Variants in POU2F3 observed in about 807,000 individuals in gnomAD.
The protein encoded by POU2F3 is POU domain, class 2, transcription factor 3.
A neutral mutation model predicts 59.2 loss-of-function variants in POU2F3; 23 were observed. The ratio of observed to expected loss-of-function variants is 0.39; its 90% CI spans 0.28 to 0.55. The LOEUF (loss-of-function observed/expected upper bound fraction) is 0.55, where lower values mean the gene tolerates loss of function less well. Ranked by LOEUF, POU2F3 falls within the 20% of genes least tolerant of loss-of-function variation. The probability of loss-of-function intolerance (pLI) is 0.66; values close to 1 mark genes in which losing one functional copy is unlikely to be tolerated. For missense variants in POU2F3, 473 were observed against 544.5 expected, an observed-to-expected ratio of 0.87 and a Z score of 1.31; for synonymous variants, 190 against 214.6, an observed-to-expected ratio of 0.89 and a Z score of 1.00.
intron 2 of POU2F3, among the ~76,000 whole-genome samples, chr11:120,250,653 C>T (rs1182679046): frequency 2.0e-5 from 3 of 152,086 alleles, no homozygotes; most frequent in Non-Finnish European, 2.9e-5. Context: ...TGGGAGTCAA[C>T]GTAGAGAACC....
chr11:120,284,261 C>T (rs753389338), intron 3 of POU2F3, among the ~76,000 whole-genome samples: 9 of 152,188 alleles, frequency 5.9e-5, no homozygotes, highest in East Asian at 1.9e-4. Context: ...CCTATCACCC[C>T]GCTTCCTGGG....
chr11:120,240,382 GA>G lies in POU2F3; in HGVS notation c.28+12del. 1 of 1,425,260 alleles carries G rather than the reference GA, an allele frequency of 7.0e-7. No individual in the cohort carries two copies. The highest frequency in any genetic ancestry group is 9.3e-7 in the Non-Finnish European group (1 of 1,079,696). 88.3% of individuals were successfully genotyped at this position (1,425,260 alleles called of 1,614,324 possible). On this transcript the variant is annotated intron_variant, in intron 1 of 12. Transcript: ENST00000543440. ...AGTCCATGCACACAGGTGAGGGGCGGAGGGAATGAGCTCTGACAGGTGTCAC... is the reference window on the plus strand; with the variant it reads ...AGTCCATGCACACAGGTGAGGGGCGGGGGAATGAGCTCTGACAGGTGTCAC...
Position 120,267,646 on chromosome 11 carries a change from C to CTCT in POU2F3, c.98-1564_98-1563insTCT, listed in dbSNP as rs1254365754. Reference sequence around the variant, plus strand: ...CACAGCTGAGGAAAAGGGGTTAAAACAGGGAATTCTCTTAGACCCCATTCA... The same window carrying CTCT: ...CACAGCTGAGGAAAAGGGGTTAAAACTCTAGGGAATTCTCTTAGACCCCATTCA... On this transcript the variant is annotated intron_variant, in intron 2 of 12. Transcript: ENST00000543440. Among the ~76,000 whole-genome samples the CTCT allele has an allele frequency of 3.3e-5, 5 of 152,158 alleles. No individual in the cohort carries two copies. In the East Asian group the frequency reaches 9.6e-4, roughly 29 times the overall value.
At position 120,305,659 on chromosome 11, in the gene POU2F3, G is replaced by T. The variant is rs1186041732; in HGVS notation, c.643G>T (p.Ala215Ser). 1.2e-6 allele frequency: 2 copies of T among 1,613,910 alleles called. No homozygotes were observed. Among genetic ancestry groups the T allele is most frequent in the Admixed American group, 1.7e-5 (1 of 60,016 alleles). Residue 215 changes from alanine (A) to serine (S), a missense_variant, in exon 8 of 13, where the codon GCG (alanine) becomes TCG (serine). Physicochemically the swap from Ala to Ser is moderately conservative, Grantham distance 99. Coordinates refer to ENST00000543440, the MANE Select transcript of POU2F3 (RefSeq NM_014352.4). ...CCACGCTTAGGGAGATGTGGGGCTG[G>T]CGATGGGAAAGCTGTATGGCAACGA... ...LGFTQGDVGL[A>S]MGKLYGNDFS...
chr11:120,305,026 T>C lies in POU2F3; in HGVS notation c.445-4T>C. ...GTGGATCTGCTTGGCGTGTTTCCTA[T>C]CAGGCATTTGGGCACCCTGGGCTGC... On this transcript the variant is annotated splice_region_variant and splice_polypyrimidine_tract_variant and intron_variant, in intron 6 of 12. Transcript: ENST00000543440. The C allele has an allele frequency of 1.3e-6, 2 of 1,594,978 alleles. No homozygotes were observed. Among genetic ancestry groups the C allele is most frequent in the East Asian group, 2.2e-5 (1 of 44,704 alleles).
intron 3 of POU2F3, among the ~76,000 whole-genome samples, chr11:120,282,023 A>T (rs937505009): frequency 6.6e-6 from 1 of 152,122 alleles, no homozygotes; most frequent in Non-Finnish European, 1.5e-5. Flanking sequence ...GCCCCATTTC[A>T]TATCCATGTG....
chr11:120,257,595 G>A (rs1316453453), intron 2 of POU2F3, among the ~76,000 whole-genome samples: 1 of 152,018 alleles, frequency 6.6e-6, no homozygotes, highest in Non-Finnish European at 1.5e-5. Context: ...CCAGCCCTGG[G>A]GACACCACTC....
chr11:120,240,734 G>A (rs751098970), intron 1 of POU2F3, among the ~76,000 whole-genome samples: 2 of 152,200 alleles, frequency 1.3e-5, no homozygotes, highest in Non-Finnish European at 2.9e-5. Flanking sequence ...GGACCTGGGA[G>A]TGCATAAGTG....
intron 3 of POU2F3, among the ~76,000 whole-genome samples, chr11:120,281,360 T>C (rs1435446092): frequency 1.1e-4 from 16 of 151,958 alleles, no homozygotes; most frequent in Admixed American, 7.9e-4. Flanking sequence ...AACGGTTGAC[T>C]GGCCTGCAAC....
At chr11:120,290,814 G>A (rs1400569352) in intron 3 of POU2F3, among the ~76,000 whole-genome samples, 1 of 152,242 alleles carries the variant, frequency 6.6e-6, no homozygotes, top group African/African-American at 2.4e-5. Flanking sequence ...GTATATGTGT[G>A]TGTGTATGGG....
intron 2 of POU2F3, among the ~76,000 whole-genome samples, chr11:120,249,107 C>T (rs375888692): frequency 1.3e-5 from 2 of 152,174 alleles, no homozygotes; most frequent in East Asian, 3.9e-4. Context: ...GGGCCAGACA[C>T]AGACCTCCTG....
chr11:120,266,340 G>A (rs115332169), intron 2 of POU2F3, among the ~76,000 whole-genome samples: 2,254 of 152,060 alleles, frequency 0.015, 54 homozygotes, highest in African/African-American at 0.048. Flanking sequence ...TATCCAGCCC[G>A]CTGCCCTCCC....
intron 3 of POU2F3, among the ~76,000 whole-genome samples, chr11:120,271,933 C>T (rs140578382): frequency 4.6e-5 from 7 of 152,148 alleles, no homozygotes; most frequent in East Asian, 1.9e-4. Flanking sequence ...ACACTCTGCC[C>T]GGTCACGTTC....
intron 3 of POU2F3, among the ~76,000 whole-genome samples, chr11:120,276,836 G>C (rs114869291): frequency 6.6e-6 from 1 of 151,924 alleles, no homozygotes; most frequent in Non-Finnish European, 1.5e-5. Context: ...AGATAGAGCC[G>C]GCAGAAAACA....
chr11:120,236,705 G>C, upstream of POU2F3: 1 of 1,492,242 alleles, frequency 6.7e-7, no homozygotes, highest in South Asian at 1.2e-5. Flanking sequence ...AAAGGAGGAA[G>C]GGGTAAAGGA....
At chr11:120,239,840 T>G (rs1938590140), upstream of POU2F3, among the ~76,000 whole-genome samples, 1 of 152,200 alleles carries the variant, frequency 6.6e-6, no homozygotes, top group South Asian at 2.1e-4. Flanking sequence ...CTTCGCGATC[T>G]GTCCAGAAGG....
intron 11 of POU2F3, among the ~76,000 whole-genome samples, chr11:120,315,770 G>A (rs567606781): frequency 6.6e-6 from 1 of 151,802 alleles, no homozygotes; most frequent in African/African-American, 2.4e-5. Context: ...TTATTTCAAC[G>A]CACTAGACAG....
At chr11:120,303,364 G>A (rs560536582) in intron 6 of POU2F3, 1 of 152,342 alleles carries the variant, frequency 6.6e-6, no homozygotes, top group African/African-American at 2.4e-5. Context: ...GGCATGGAGA[G>A]ACTGGTAGCA....
chr11:120,246,378 G>A, intron 1 of POU2F3, 71 bp from the exon 2 acceptor site: 1 of 1,473,850 alleles, frequency 6.8e-7, no homozygotes, highest in South Asian at 1.1e-5. Flanking sequence ...TTGTTATTTA[G>A]TTAAAGCCAC....
Sources: allele counts gnomAD v4.1 joint callset (sites outside exome capture counted in the v4.1 genomes callset), GRCh38; gene constraint gnomAD v4.1.1; transcripts MANE v1.5; gene names NCBI Gene and HGNC (gene_info 2026-07-23, HGNC 2026-07-21).